Variants in MERTK observed in about 807,000 individuals in gnomAD.
The protein encoded by MERTK is tyrosine-protein kinase Mer.
MERTK carries 69 observed loss-of-function variants against 99.3 expected under a neutral mutation model. The ratio of observed to expected loss-of-function variants is 0.70; its 90% confidence interval spans 0.57 to 0.85. The LOEUF is 0.85. Ranked by LOEUF, MERTK falls within the 40% of genes least tolerant of loss-of-function variation. The pLI is 0.00. For missense variants in MERTK, 1,125 were observed against 1,249.4 expected, an observed-to-expected ratio of 0.90 and a Z score of 1.50; for synonymous variants, 426 against 467.6, an observed-to-expected ratio of 0.91 and a Z score of 1.15.
chr2:111,963,537 A>G (rs1346139901), intron 4 of MERTK, among the ~76,000 whole-genome samples: 3 of 152,102 alleles, frequency 2.0e-5, no homozygotes. Flanking sequence ...GTCCCTGGGT[A>G]CTTGAGATTA....
At chr2:111,964,578 T>C (rs1282788919) in intron 4 of MERTK, among the ~76,000 whole-genome samples, 1 of 152,244 alleles carries the variant, frequency 6.6e-6, no homozygotes, top group Non-Finnish European at 1.5e-5. Context: ...TGTCTTCCTA[T>C]TTAAAATTAA....
chr2:111,978,036 T>C (rs1676289169), intron 7 of MERTK, among the ~76,000 whole-genome samples: 1 of 152,064 alleles, frequency 6.6e-6, no homozygotes, highest in South Asian at 2.1e-4. Context: ...AACTCCTGGC[T>C]TAAGCAATTC....
chr2:111,920,749 G>A (rs1320615482), intron 1 of MERTK, among the ~76,000 whole-genome samples: 2 of 152,068 alleles, frequency 1.3e-5, no homozygotes, highest in Non-Finnish European at 2.9e-5. Context: ...TGCCTCCCGG[G>A]TTCAAGCAAT....
Position 111,901,031 on chromosome 2 carries a change from G to GC in MERTK, c.61+2241dup, listed in dbSNP as rs539743823. Among the ~76,000 whole-genome samples, 71 of 152,196 alleles carry GC rather than the reference G, an allele frequency of 4.7e-4. No individual in the cohort carries two copies. In the East Asian group the frequency reaches 0.012, roughly 25 times the overall value. ...CACTTTAACCCAGGAAATCCCCTCT[G>GC]CCCCCCAACACACATACACACTACA... is the stretch of plus-strand genomic sequence containing the variant. On this transcript the variant is annotated intron_variant, in intron 1 of 18. Transcript: ENST00000295408.
intron 6 of MERTK, among the ~76,000 whole-genome samples, chr2:111,974,045 G>T (rs1468376878): frequency 6.7e-6 from 1 of 149,828 alleles, no homozygotes; most frequent in East Asian, 1.9e-4. Flanking sequence ...TGTGCCTCTG[G>T]AATTCAATTT....
intron 14 of MERTK, 141 bp downstream of exon 14, chr2:112,008,616 G>T: frequency 1.3e-6 from 1 of 769,810 alleles, no homozygotes. Flanking sequence ...TTTTCACCCA[G>T]ACTTTTCTTC....
intron 1 of MERTK, among the ~76,000 whole-genome samples, 199 bp from the exon 2 acceptor site, chr2:111,928,921 C>G (rs569148225): frequency 1.2e-4 from 18 of 152,246 alleles, no homozygotes; most frequent in Non-Finnish European, 2.1e-4. Flanking sequence ...CTTCAGGACT[C>G]TTCCAGAGGC....
chr2:111,910,414 C>T (rs558956123), intron 1 of MERTK, among the ~76,000 whole-genome samples: 5 of 151,980 alleles, frequency 3.3e-5, no homozygotes, highest in East Asian at 1.9e-4. Flanking sequence ...GGATTACAGG[C>T]GCCTGCCACC....
rs145741753 is a variant in MERTK, at chr2:111,944,944, G to A, written c.483-16G>A. ...GGGTAGTCACTGTAAATATCTTCAT[G>A]TGTTTTTCTTTGCAGCATAACCAGT... is the stretch of plus-strand genomic sequence containing the variant. On this transcript the variant is annotated splice_polypyrimidine_tract_variant and intron_variant, in intron 2 of 18. Transcript: ENST00000295408. The A allele has an allele frequency of 1.7e-5, 27 of 1,604,550 alleles. 2 individuals are homozygous for A. In the Admixed American group the frequency reaches 3.8e-4, roughly 23 times the overall value.
intron 11 of MERTK, among the ~76,000 whole-genome samples, chr2:112,002,287 G>C (rs4528767): frequency 0.25 from 37,745 of 151,962 alleles, 4,950 homozygotes; most frequent in South Asian, 0.32. Flanking sequence ...TTGCTATGCT[G>C]TTATAATAGG....
At chr2:111,986,504 C>T (rs928330738) in intron 8 of MERTK, among the ~76,000 whole-genome samples, 5 of 152,228 alleles carry the variant, frequency 3.3e-5, no homozygotes, top group African/African-American at 9.7e-5. Flanking sequence ...GTCATCCTTT[C>T]TCCTTCTACT....
chr2:111,986,703 A>G (rs1676484603), intron 8 of MERTK, among the ~76,000 whole-genome samples: 1 of 152,242 alleles, frequency 6.6e-6, no homozygotes, highest in Non-Finnish European at 1.5e-5. Context: ...TGCAGGGAGA[A>G]CAGAACTGCC....
At chr2:111,997,666 C>T (rs975014685) in intron 10 of MERTK, among the ~76,000 whole-genome samples, 190 bp downstream of exon 10, 4 of 152,198 alleles carry the variant, frequency 2.6e-5, no homozygotes, top group Non-Finnish European at 5.9e-5. Flanking sequence ...CAGCAAAAGC[C>T]AGGCCTGAAA....
At chr2:111,972,067 A>G (rs974505625) in intron 6 of MERTK, among the ~76,000 whole-genome samples, 1 of 152,024 alleles carries the variant, frequency 6.6e-6, no homozygotes, top group Admixed American at 6.6e-5. Context: ...TTTCGCGCTT[A>G]TTGCCCAGGC....
At chr2:111,909,836 C>T (rs1329004416) in intron 1 of MERTK, among the ~76,000 whole-genome samples, 3 of 152,022 alleles carry the variant, frequency 2.0e-5, no homozygotes, top group African/African-American at 4.8e-5. Context: ...ACCCTCAGTT[C>T]GGTCCGGGAA....
chr2:111,925,290 A>ATT (rs1336943200), intron 1 of MERTK, among the ~76,000 whole-genome samples: 1,657 of 31,198 alleles, frequency 0.053, 80 homozygotes, highest in East Asian at 0.09. Context: ...ATATATATAT[A>ATT]TATTTTTTTT....
chr2:111,955,350 G>A (rs185936180), intron 4 of MERTK, among the ~76,000 whole-genome samples: 2 of 152,244 alleles, frequency 1.3e-5, no homozygotes, highest in East Asian at 1.9e-4. Context: ...GTTACGTGCT[G>A]TACAATTCCA....
chr2:111,904,479 C>A (rs1200404530), intron 1 of MERTK, among the ~76,000 whole-genome samples: 2 of 151,700 alleles, frequency 1.3e-5, no homozygotes, highest in Admixed American at 1.3e-4. Flanking sequence ...TGGCTTCAAG[C>A]AATTCTCTGC....
At chr2:111,991,158 C>T (rs1213885595) in intron 8 of MERTK, among the ~76,000 whole-genome samples, 3 of 152,150 alleles carry the variant, frequency 2.0e-5, no homozygotes, top group East Asian at 1.9e-4. Flanking sequence ...TTTTCTGCCT[C>T]GCTCCCAAAT....
Sources: allele counts gnomAD v4.1 joint callset (sites outside exome capture counted in the v4.1 genomes callset), GRCh38; gene constraint gnomAD v4.1.1; transcripts MANE v1.5; gene names NCBI Gene and HGNC (gene_info 2026-07-23, HGNC 2026-07-21).